Variants in EPHA6 observed in about 807,000 individuals in gnomAD.
The protein encoded by EPHA6 is ephrin type-A receptor 6.
EPHA6 carries 50 observed loss-of-function variants against 112.0 expected under a neutral mutation model. That is an observed-to-expected ratio of 0.45 (90% CI 0.36 to 0.56). The LOEUF (loss-of-function observed/expected upper bound fraction) is 0.56. Among genes scored for constraint, EPHA6 ranks in the 20% least tolerant of loss-of-function variants. EPHA6 has a pLI of 0.00. For missense variants in EPHA6, 1,280 were observed against 1,417.4 expected (o/e 0.90, Z 1.56); for synonymous variants, 529 against 490.7 (o/e 1.08, Z -1.03).
At chr3:97,493,177 C>T (rs908324619) in intron 10 of EPHA6, among the ~76,000 whole-genome samples, 60 of 151,440 alleles carry the variant, frequency 4.0e-4, no homozygotes, top group African/African-American at 1.3e-3. Flanking sequence ...TGTATACATA[C>T]GTACATGTAA....
chr3:97,658,166 A>G (rs1157976488), intron 14 of EPHA6, among the ~76,000 whole-genome samples: 1 of 151,896 alleles, frequency 6.6e-6, no homozygotes, highest in African/African-American at 2.4e-5. Flanking sequence ...AGTTTCTATT[A>G]TAAGATAGTT....
chr3:97,102,714 A>G (rs2047439683), intron 3 of EPHA6, among the ~76,000 whole-genome samples: 1 of 151,964 alleles, frequency 6.6e-6, no homozygotes, highest in African/African-American at 2.4e-5. Context: ...TTTCCTCAAT[A>G]GTTGAACTAA....
intron 5 of EPHA6, among the ~76,000 whole-genome samples, chr3:97,339,612 G>A (rs916080337): frequency 6.6e-6 from 1 of 152,054 alleles, no homozygotes; most frequent in African/African-American, 2.4e-5. Context: ...CTGTGAAAAA[G>A]GGATGCCAAT....
chr3:97,278,614 C>T (rs1041387573), intron 5 of EPHA6, among the ~76,000 whole-genome samples: 34 of 152,266 alleles, frequency 2.2e-4, no homozygotes, highest in Admixed American at 9.8e-4. Context: ...TTCAACCACT[C>T]AGTATAGAAG....
At chr3:96,909,623 C>T (rs2039114630) in intron 2 of EPHA6, among the ~76,000 whole-genome samples, 1 of 151,850 alleles carries the variant, frequency 6.6e-6, no homozygotes, top group Admixed American at 6.6e-5. Flanking sequence ...TTACACTGTG[C>T]TTTCTGTGTA....
chr3:97,185,979 G>A (rs1253709370), intron 3 of EPHA6, among the ~76,000 whole-genome samples: 9 of 147,180 alleles, frequency 6.1e-5, no homozygotes, highest in Non-Finnish European at 1.5e-5. Flanking sequence ...ACCAAACACT[G>A]CATGTTCTCA....
chr3:97,311,163 T>C (rs893702291), intron 5 of EPHA6, among the ~76,000 whole-genome samples: 1 of 151,676 alleles, frequency 6.6e-6, no homozygotes, highest in African/African-American at 2.4e-5. Flanking sequence ...TGCTGAAACA[T>C]GGAAGTATTG....
intron 1 of EPHA6, among the ~76,000 whole-genome samples, chr3:96,852,016 T>C (rs2035420189): frequency 6.6e-6 from 1 of 151,934 alleles, no homozygotes; most frequent in Non-Finnish European, 1.5e-5. Flanking sequence ...GCAAATTGTG[T>C]TTTGTTTTTT....
chr3:97,053,420 A>C (rs1301554415), intron 3 of EPHA6, among the ~76,000 whole-genome samples: 2 of 152,140 alleles, frequency 1.3e-5, no homozygotes, highest in African/African-American at 4.8e-5. Flanking sequence ...GGAAAGAATT[A>C]AAGGAAAGTA....
intron 4 of EPHA6, among the ~76,000 whole-genome samples, chr3:97,235,728 A>G (rs1051043012): frequency 1.3e-5 from 2 of 152,136 alleles, no homozygotes; most frequent in African/African-American, 2.4e-5. Context: ...TGCCAAAATT[A>G]TAAGTCAATC....
At chr3:96,973,316 A>G (rs576206103) in intron 2 of EPHA6, among the ~76,000 whole-genome samples, 3 of 152,282 alleles carry the variant, frequency 2.0e-5, no homozygotes, top group Admixed American at 1.3e-4. Context: ...ACTATTGGCA[A>G]TTTTAATCCT....
In EPHA6 at chr3:97,257,771, A is replaced by G. The variant is rs371542024; in HGVS notation, c.1606+13484A>G. Among the ~76,000 whole-genome samples, 17 of 152,186 alleles carry G rather than the reference A, an allele frequency of 1.1e-4. No individual in the cohort carries two copies. The South Asian group carries it at 3.5e-3, about 32-fold the overall frequency. On this transcript the variant is annotated intron_variant, in intron 5 of 17. Coordinates refer to ENST00000389672, the MANE Select transcript of EPHA6 (RefSeq NM_001080448.3). The stretch of plus-strand genomic sequence containing the variant: ...AAGGGTATAAATATCCTAAATGACC[A>G]ACAGTAAACAATAAATAAAGTGTAC...
chr3:97,060,923 C>CAAAAA (rs71623565), intron 3 of EPHA6, among the ~76,000 whole-genome samples: 672 of 21,228 alleles, frequency 0.032, 114 homozygotes, highest in Admixed American at 0.043. Flanking sequence ...GACTCCGTCT[C>CAAAAA]AAAAAAAAAA....
intron 2 of EPHA6, among the ~76,000 whole-genome samples, chr3:96,938,900 G>C (rs919734611): frequency 3.3e-4 from 50 of 152,154 alleles, no homozygotes; most frequent in African/African-American, 1.1e-3. Context: ...TTACATGCTG[G>C]ATTACATTTA....
rs557325370 is a variant in EPHA6, at chr3:96,942,387, AC to A, written c.451-44942del. Among the ~76,000 whole-genome samples the A allele has an allele frequency of 4.6e-4, 70 of 152,160 alleles. No homozygotes were observed. In the South Asian group the frequency reaches 0.014, roughly 30 times the overall value. On this transcript the variant is annotated intron_variant, in intron 2 of 17. Transcript: ENST00000389672. ...GACTGCTGTGCTAGCAATCAGCGTG[AC>A]TCCGTGGGCCTAGGACCCTCCGAGC...
chr3:97,293,086 G>C (rs2080751917), intron 5 of EPHA6, among the ~76,000 whole-genome samples: 1 of 149,222 alleles, frequency 6.7e-6, no homozygotes, highest in Non-Finnish European at 1.5e-5. Context: ...CACAGGCAGG[G>C]CATGCCAGCA....
At chr3:97,555,033 A>G (rs927727904) in intron 11 of EPHA6, among the ~76,000 whole-genome samples, 11 of 151,648 alleles carry the variant, frequency 7.3e-5, no homozygotes, top group African/African-American at 2.7e-4. Context: ...GCACCCATTA[A>G]CTCGTCATTT....
At chr3:96,898,185 G>C (rs1211683056) in intron 2 of EPHA6, among the ~76,000 whole-genome samples, 1 of 152,074 alleles carries the variant, frequency 6.6e-6, no homozygotes, top group African/African-American at 2.4e-5. Context: ...ACAATGTCTG[G>C]TAATGAAAGG....
chr3:97,394,518 G>C (rs919253850), intron 5 of EPHA6, among the ~76,000 whole-genome samples: 1 of 151,674 alleles, frequency 6.6e-6, no homozygotes, highest in Non-Finnish European at 1.5e-5. Flanking sequence ...TGTAAACTAT[G>C]AATGTGAAAA....
Sources: allele counts gnomAD v4.1 joint callset (sites outside exome capture counted in the v4.1 genomes callset), GRCh38; gene constraint gnomAD v4.1.1; transcripts MANE v1.5; gene names NCBI Gene and HGNC (gene_info 2026-07-23, HGNC 2026-07-21).